The following DEAF1 variants were observed in gnomAD, a reference collection of about 807,000 sequenced individuals.
DEAF1 encodes deformed epidermal autoregulatory factor 1 homolog.
In DEAF1, 53 loss-of-function variants were observed where a neutral mutation model predicts 58.9. The observed-to-expected ratio is 0.90, with a 90% CI of 0.72 to 1.13. The LOEUF (loss-of-function observed/expected upper bound fraction) is 1.13. Among genes scored for constraint, DEAF1 ranks in the 50% most tolerant of loss-of-function variants. DEAF1 has a pLI of 0.00. For synonymous variants in DEAF1, 385 were observed against 340.4 expected, an observed-to-expected ratio of 1.13 and a Z score of -1.44; for missense variants, 685 against 791.4, an observed-to-expected ratio of 0.87 and a Z score of 1.61.
intron 2 of DEAF1, among the ~76,000 whole-genome samples, chr11:689,381 A>AT (rs374111650): frequency 0.29 from 41,720 of 145,248 alleles, 5,986 homozygotes; most frequent in Non-Finnish European, 0.33. Flanking sequence ...AATTTTTTGC[A>AT]TTTTTTTTTT....
intron 6 of DEAF1, 102 bp from the exon 7 acceptor site, chr11:681,191 C>T: frequency 6.7e-7 from 1 of 1,496,982 alleles, no homozygotes; most frequent in South Asian, 1.1e-5. Flanking sequence ...GTGTGAGTCA[C>T]ATGGTGAGAC....
intron 1 of DEAF1, chr11:693,644 T>A (rs1164716848): frequency 6.6e-6 from 1 of 152,164 alleles, no homozygotes; most frequent in Non-Finnish European, 1.5e-5. Flanking sequence ...AAGAATACAG[T>A]GCGTTAGGAA....
chr11:667,082 C>T (rs916565311), intron 10 of DEAF1, among the ~76,000 whole-genome samples: 42 of 151,450 alleles, frequency 2.8e-4, no homozygotes, highest in Non-Finnish European at 5.3e-4. Flanking sequence ...CATGTGTAGT[C>T]CCAGCTACTC....
chr11:688,059 T>G lies in DEAF1; in HGVS notation c.518-2A>C. The G allele has an allele frequency of 6.2e-7, 1 of 1,613,874 alleles. No homozygotes were observed. The highest frequency in any genetic ancestry group is 8.5e-7 in the Non-Finnish European group (1 of 1,179,978). On this transcript the variant is annotated splice_acceptor_variant, in intron 3 of 11. Transcript: ENST00000382409. LOFTEE classifies it high-confidence loss of function. This position sits in a 1 kb window ranked among gnomAD's most constrained non-coding sequence, Gnocchi z 4.3. ...GAGGGGTTGGAGGAGACTGAGGACC[T>G]TGGGCAGAGAAAGTGTTTGAAGGTG... is the stretch of plus-strand genomic sequence containing the variant.
At chr11:653,926 G>A (rs1378958860) in intron 11 of DEAF1, 36 bp downstream of exon 11, 9 of 1,594,894 alleles carry the variant, frequency 5.6e-6, no homozygotes, top group East Asian at 4.5e-5. Context: ...CGAGGGAGGA[G>A]GCGGGGGCAC....
intron 1 of DEAF1, chr11:694,481 T>G (rs1195023190): frequency 1.7e-5 from 4 of 229,958 alleles, no homozygotes; most frequent in South Asian, 2.1e-4. Context: ...AGCAGGTACG[T>G]GGGGAAAGTG....
At chr11:682,137 G>T (rs766868963) in intron 6 of DEAF1, among the ~76,000 whole-genome samples, 1 of 152,184 alleles carries the variant, frequency 6.6e-6, no homozygotes, top group African/African-American at 2.4e-5. Context: ...TGGGTGGGGT[G>T]CAATCACCTT....
At chr11:703,016 C>T (rs1271875469) in intron 1 of DEAF1, 6 of 1,612,430 alleles carry the variant, frequency 3.7e-6, no homozygotes, top group East Asian at 4.5e-5. Flanking sequence ...TGGCACCGCC[C>T]TCCTCTCTGC....
intron 1 of DEAF1, among the ~76,000 whole-genome samples, chr11:694,222 G>A (rs1860980383): frequency 6.6e-6 from 1 of 151,900 alleles, no homozygotes; most frequent in South Asian, 2.1e-4. Context: ...AAAGAAAAGG[G>A]GGGCAGGGGG....
Position 666,891 on chromosome 11 carries a change from A to G in DEAF1, c.1503+7645T>C, listed in dbSNP as rs1011625301. On this transcript the variant is annotated intron_variant, in intron 10 of 11. Coordinates refer to ENST00000382409, the MANE Select transcript of DEAF1 (RefSeq NM_021008.4). ...CTGTCTCCAAAAAAAAAAAAAAAAAAAAAAAAGAAAAAAAGAAATAGTTAT... is the reference window on the plus strand; with the variant it reads ...CTGTCTCCAAAAAAAAAAAAAAAAAGAAAAAAGAAAAAAAGAAATAGTTAT... 3.0e-4 allele frequency among the ~76,000 whole-genome samples: 45 copies of G among 149,400 alleles called. 2 individuals carry two copies. Among genetic ancestry groups the G allele is most frequent in the African/African-American group, 9.6e-4 (38 of 39,554 alleles).
chr11:654,229 T>C (rs28410845), intron 10 of DEAF1, among the ~76,000 whole-genome samples, 178 bp from the exon 11 acceptor site: 103,088 of 143,210 alleles, frequency 0.72, 37,472 homozygotes, highest in East Asian at 0.93. Context: ...AGTGCCGTGG[T>C]GCGATCTCAG....
At chr11:683,770 C>A (rs769969325) in intron 6 of DEAF1, among the ~76,000 whole-genome samples, 1 of 152,156 alleles carries the variant, frequency 6.6e-6, no homozygotes, top group Non-Finnish European at 1.5e-5. Context: ...CGTCTTTTGA[C>A]GTATTTCAAT....
intron 11 of DEAF1, among the ~76,000 whole-genome samples, chr11:649,654 A>T (rs965625456): frequency 3.3e-5 from 5 of 152,190 alleles, no homozygotes; most frequent in Admixed American, 2.6e-4. Context: ...CAGGAGGTGG[A>T]GGCTGCAGTG....
In DEAF1 at chr11:654,006, C is replaced by G; in HGVS notation, c.1549G>C (p.Gly517Arg). ...CGREAMSECT[G>R]CHKVNYCSTF... is the part of the protein sequence containing the mutation. ...GAGCAGTAGTTGACCTTGTGGCAGC[C>G]GGTGCACTCGCTCATAGCCTCCCGG... Residue 517 changes from glycine (G) to arginine (R), a missense_variant, in exon 11 of 12, where the codon GGC becomes CGC. Physicochemically the swap from Gly to Arg is moderately radical, Grantham distance 125 (BLOSUM62 -2). This residue lies in a region of DEAF1 where 343 missense variants were observed against 379.8 expected (regional missense o/e 0.90). Coordinates refer to ENST00000382409, the MANE Select transcript of DEAF1 (RefSeq NM_021008.4). 6.2e-7 allele frequency: 1 copy of G among 1,613,806 alleles called. No homozygotes were observed. The highest frequency in any genetic ancestry group is 1.3e-5 in the African/African-American group (1 of 74,956).
intron 5 of DEAF1, 96 bp from the exon 6 acceptor site, chr11:685,059 T>G: frequency 9.7e-6 from 6 of 618,584 alleles, no homozygotes; most frequent in Non-Finnish European, 1.8e-5. Flanking sequence ...ACCACTTACC[T>G]ACCATTCATA....
At chr11:701,660 C>G (rs7121162) in intron 1 of DEAF1, among the ~76,000 whole-genome samples, 1 of 152,004 alleles carries the variant, frequency 6.6e-6, no homozygotes, top group Non-Finnish European at 1.5e-5. Flanking sequence ...CCGCCCACCT[C>G]GGCCTCCCAA....
rs1858836640 is a variant in DEAF1, at chr11:652,751, C to T, written c.1593+1211G>A. On this transcript the variant is annotated intron_variant, in intron 11 of 11. Coordinates refer to ENST00000382409, the MANE Select transcript of DEAF1 (RefSeq NM_021008.4). ...CATCACAGGACAAAATATAGACCAG[C>T]ATCTCTCATAAATATGAGAAAAAAA... Among the ~76,000 whole-genome samples, 3 of 152,108 alleles carry T rather than the reference C, an allele frequency of 2.0e-5. No homozygotes were observed. The South Asian group carries it at 6.2e-4, about 32-fold the overall frequency.
At chr11:676,754 T>C (rs977003555) in intron 9 of DEAF1, among the ~76,000 whole-genome samples, 14 of 152,140 alleles carry the variant, frequency 9.2e-5, no homozygotes, top group Non-Finnish European at 1.6e-4. Flanking sequence ...TCCACCCGCC[T>C]CGGCCTCCCA....
chr11:681,090 C>G lies in DEAF1; in HGVS notation c.871-1G>C. 6.2e-7 allele frequency: 1 copy of G among 1,613,954 alleles called. No individual in the cohort carries two copies. The highest frequency in any genetic ancestry group is 8.5e-7 in the Non-Finnish European group (1 of 1,180,020). On this transcript the variant is annotated splice_acceptor_variant, in intron 6 of 11. Coordinates refer to ENST00000382409, the MANE Select transcript of DEAF1 (RefSeq NM_021008.4). LOFTEE classifies it high-confidence loss of function. ...GCACAAAAAGCCTGACTGGGCCACT[C>G]TGGGGGAGAAAGGAGAGAGGCCACC...
Sources: gnomAD v4.1 joint callset for allele counts (sites outside exome capture counted in the v4.1 genomes callset) on GRCh38, gnomAD v4.1.1 for gene constraint, gnomAD v4.1.1 regional missense constraint, Gnocchi (gnomAD v3.1) non-coding constraint, MANE v1.5 for transcripts, NCBI Gene and HGNC (gene_info 2026-07-23, HGNC 2026-07-21) for gene names.